The following ADAMTS5 variants were observed in gnomAD, a reference collection of about 807,000 sequenced individuals.
ADAMTS5 encodes the protein ADAM metallopeptidase with thrombospondin type 1 motif 5, also known as A disintegrin and metalloproteinase with thrombospondin motifs 5.
A neutral mutation model predicts 81.4 loss-of-function variants in ADAMTS5; 54 were observed. The observed-to-expected ratio is 0.66, with a 90% CI of 0.53 to 0.83. ADAMTS5 has a LOEUF of 0.83. Ranked by LOEUF, ADAMTS5 falls within the 40% of genes least tolerant of loss-of-function variation. The pLI is 0.00. For missense variants in ADAMTS5, 1,194 were observed against 1,229.9 expected (o/e 0.97, Z 0.44); for synonymous variants, 532 against 508.8 (o/e 1.05, Z -0.61).
intron 2 of ADAMTS5, among the ~76,000 whole-genome samples, chr21:26,951,006 C>T (rs371918293): frequency 6.6e-6 from 1 of 152,248 alleles, no homozygotes; most frequent in East Asian, 1.9e-4. Flanking sequence ...CAGGCATGCA[C>T]CACCATGCCC....
At chr21:26,948,617 G>A (rs866409683) in intron 2 of ADAMTS5, among the ~76,000 whole-genome samples, 4 of 152,130 alleles carry the variant, frequency 2.6e-5, no homozygotes, top group Admixed American at 1.3e-4. Context: ...ATTCAAACAC[G>A]AATCTTTACA....
At position 26,945,630 on chromosome 21, in the gene ADAMTS5, T is replaced by C. The variant is rs192881824; in HGVS notation, c.1238-2083A>G. Among the ~76,000 whole-genome samples the C allele has an allele frequency of 5.3e-5, 8 of 152,322 alleles. No homozygotes were observed. In the East Asian group the frequency reaches 1.5e-3, roughly 29 times the overall value. Reference sequence around the variant, plus strand: ...GAGGGACCTGAGAAAGTACCTTCATTCTCTCTTTCAGAGAGGTGAAGCATG... The same window carrying C: ...GAGGGACCTGAGAAAGTACCTTCATCCTCTCTTTCAGAGAGGTGAAGCATG... On this transcript the variant is annotated intron_variant, in intron 2 of 7. Coordinates refer to ENST00000284987, the MANE Select transcript of ADAMTS5 (RefSeq NM_007038.5).
chr21:26,947,587 C>T (rs1372990628), intron 2 of ADAMTS5, among the ~76,000 whole-genome samples: 4 of 152,056 alleles, frequency 2.6e-5, no homozygotes, highest in Non-Finnish European at 5.9e-5. Flanking sequence ...GCGCACACCA[C>T]CATTCCTGGC....
At chr21:26,958,378 A>G (rs759598439) in intron 1 of ADAMTS5, among the ~76,000 whole-genome samples, 1 of 151,834 alleles carries the variant, frequency 6.6e-6, no homozygotes, top group Admixed American at 6.6e-5. Flanking sequence ...CACACACACA[A>G]ACGCATGCAT....
chr21:26,922,770 T>C lies in ADAMTS5; in HGVS notation c.*1283A>G, dbSNP rs1986724779. ...ACGGGTACAATCAAGTGCTTTCCAG[T>C]TGGGAAAAATATTTAGTACAATAGG... On this transcript the variant is annotated 3_prime_UTR_variant, in exon 8 of 8. Transcript: ENST00000284987. The C allele has an allele frequency of 1.3e-5, 2 of 152,546 alleles. No homozygotes were observed. Among genetic ancestry groups the C allele is most frequent in the Admixed American group, 1.3e-4 (2 of 15,272 alleles). The allele number at this position is 152,546 out of a possible 1,614,324, so 9.4% of individuals were successfully genotyped here.
At chr21:26,942,966 C>T (rs975785071) in intron 3 of ADAMTS5, among the ~76,000 whole-genome samples, 1 of 152,158 alleles carries the variant, frequency 6.6e-6, no homozygotes, top group Non-Finnish European at 1.5e-5. Context: ...GTAGAATTGT[C>T]ACCTACACCT....
At position 26,934,534 on chromosome 21, in the gene ADAMTS5, G is replaced by C. The variant is rs770735293; in HGVS notation, c.1621C>G (p.Pro541Ala). 8.7e-6 allele frequency: 14 copies of C among 1,614,098 alleles called. No homozygotes were observed. Among genetic ancestry groups the C allele is most frequent in the South Asian group, 7.7e-5 (7 of 91,076 alleles). ...TKKLPAVEGT[P>A]CGKGRICLQG... Reference sequence around the variant, plus strand: ...AGGCAGATTCTCCCCTTTCCACAAGGCGTCCCTTCCACCGCAGGCAGCTTC... The same window carrying C: ...AGGCAGATTCTCCCCTTTCCACAAGCCGTCCCTTCCACCGCAGGCAGCTTC... The change falls in exon 4 of 8, where the codon CCT becomes GCT. Residue 541 changes from proline (P) to alanine (A), a missense_variant. By Grantham distance (27) the Pro-to-Ala change is conservative. This residue lies in a region of ADAMTS5 where 696 missense variants were observed against 817.6 expected (regional missense o/e 0.85). Transcript: ENST00000284987.
intron 6 of ADAMTS5, among the ~76,000 whole-genome samples, chr21:26,930,491 A>C (rs1849100947): frequency 6.6e-6 from 1 of 152,184 alleles, no homozygotes; most frequent in Non-Finnish European, 1.5e-5. Flanking sequence ...AAATTTGAAA[A>C]TCTAAACTTG....
At chr21:26,955,193 C>T (rs1340400560) in intron 1 of ADAMTS5, among the ~76,000 whole-genome samples, 3 of 152,192 alleles carry the variant, frequency 2.0e-5, no homozygotes, top group Non-Finnish European at 4.4e-5. Flanking sequence ...TATGGTCATG[C>T]TTAGGAAAGT....
intron 3 of ADAMTS5, among the ~76,000 whole-genome samples, chr21:26,942,927 T>C (rs1009417417): frequency 1.3e-5 from 2 of 152,188 alleles, no homozygotes; most frequent in African/African-American, 2.4e-5. Flanking sequence ...CTTCCTCTTC[T>C]GGGCTTATGT....
At chr21:26,963,628 G>T in intron 1 of ADAMTS5, among the ~76,000 whole-genome samples, 1 of 79,216 alleles carries the variant, frequency 1.3e-5, no homozygotes, top group African/African-American at 4.6e-5. Flanking sequence ...CCCAGACACG[G>T]AAAGTTGCTT....
At chr21:26,929,801 T>G in intron 7 of ADAMTS5, 85 bp downstream of exon 7, 2 of 1,371,340 alleles carry the variant, frequency 1.5e-6, no homozygotes, top group Non-Finnish European at 2.0e-6. Flanking sequence ...TAGCTTATGA[T>G]GTAATATGAA....
rs1277339016 is a variant in ADAMTS5 at position 26,966,251 on chromosome 21, C to G, written c.141G>C (p.Gln47His). The change falls in exon 1 of 8, where the codon CAG becomes CAC. Residue 47 changes from glutamine to histidine, a missense_variant. Gln to His is a conservative substitution (Grantham distance 24). Transcript: ENST00000284987. ...AAAAAQPRRRQGEEVQERAEP... is the reference protein window; with the variant it reads ...AAAAAQPRRRHGEEVQERAEP... ...CGGCTCGCTCCTGCACCTCCTCCCC[C>G]TGCCGCCGGCGGGGCTGGGCGGCTG... is the stretch of plus-strand genomic sequence containing the variant. 4.4e-6 allele frequency: 7 copies of G among 1,596,112 alleles called. No individual in the cohort carries two copies. In the East Asian group the frequency reaches 1.1e-4, roughly 26 times the overall value.
intron 3 of ADAMTS5, among the ~76,000 whole-genome samples, chr21:26,937,352 G>A (rs913624601): frequency 2.0e-5 from 3 of 152,098 alleles, no homozygotes; most frequent in African/African-American, 7.2e-5. Flanking sequence ...TTCCCTTAGA[G>A]GTCATACATG....
rs539508481 is a variant in ADAMTS5, at chr21:26,921,277, C to G, written c.*2776G>C. On this transcript the variant is annotated 3_prime_UTR_variant, in exon 8 of 8. Coordinates refer to ENST00000284987, the MANE Select transcript of ADAMTS5 (RefSeq NM_007038.5). ...TTTATTGAATAAATTATAACAATGCCCACATATTTCTAAACAGCAAGGCAG... is the reference window on the plus strand; with the variant it reads ...TTTATTGAATAAATTATAACAATGCGCACATATTTCTAAACAGCAAGGCAG... 3.1e-4 allele frequency: 47 copies of G among 152,192 alleles called. No homozygotes were observed. Among genetic ancestry groups the G allele is most frequent in the African/African-American group, 1.1e-3 (46 of 41,428 alleles). 9.4% of individuals were successfully genotyped at this position (152,192 alleles called of 1,614,324 possible).
chr21:26,929,887 T>C lies in ADAMTS5; in HGVS notation c.2224A>G (p.Ser742Gly). 6.2e-7 allele frequency: 1 copy of C among 1,613,444 alleles called. No homozygotes were observed. The highest frequency in any genetic ancestry group is 8.5e-7 in the Non-Finnish European group (1 of 1,179,490). Residue 742 changes from serine to glycine, a missense_variant and splice_region_variant, in exon 7 of 8, where the codon AGT (serine) becomes GGT (glycine). Physicochemically the swap from Ser to Gly is moderately conservative, Grantham distance 56. Coordinates refer to ENST00000284987, the MANE Select transcript of ADAMTS5 (RefSeq NM_007038.5). The part of the protein sequence containing the change: ...TKIVGTFNKK[S>G]KGYTDVVRIP... ...AAGACAAAGGTTCTATCATATTACCTTTTCTTATTAAAGGTTCCAACAATC... is the reference window on the plus strand; with the variant it reads ...AAGACAAAGGTTCTATCATATTACCCTTTCTTATTAAAGGTTCCAACAATC...
rs780087867 is a variant in ADAMTS5, at chr21:26,966,203, G to A, written c.189C>T (p.Pro63=). The change falls in exon 1 of 8, where the codon CCC becomes CCT. Residue 63 remains proline, a synonymous_variant. Transcript: ENST00000284987. The part of the protein sequence containing the change: ...ERAEPPGHPH[P]LAQRRRSKGL... Reference sequence around the variant, plus strand: ...CCTTGCTCCTGCGCCGCTGCGCCAGGGGGTGCGGGTGGCCGGGAGGCTCGG... The same window carrying A: ...CCTTGCTCCTGCGCCGCTGCGCCAGAGGGTGCGGGTGGCCGGGAGGCTCGG... 1.3e-6 allele frequency: 2 copies of A among 1,597,430 alleles called. No homozygotes were observed. Among genetic ancestry groups the A allele is most frequent in the East Asian group, 2.2e-5 (1 of 44,658 alleles).
Position 26,923,899 on chromosome 21 carries a change from G to T in ADAMTS5, c.*154C>A. ...CGTGAAGCAGTGCACATCCTCTTTT[G>T]GTCACAGAGAGCAGATTCTGCCCAT... On this transcript the variant is annotated 3_prime_UTR_variant, in exon 8 of 8. Transcript: ENST00000284987. 4.0e-6 allele frequency: 3 copies of T among 740,906 alleles called. No homozygotes were observed. The highest frequency in any genetic ancestry group is 1.8e-5 in the African/African-American group (1 of 56,734). 45.9% of individuals were successfully genotyped at this position (740,906 alleles called of 1,614,324 possible). A position where few individuals can be genotyped will look rare whatever the true frequency, so the allele number is the denominator to read the frequency against.
chr21:26,929,731 T>C (rs920391535), intron 7 of ADAMTS5, among the ~76,000 whole-genome samples, 155 bp downstream of exon 7: 8 of 152,182 alleles, frequency 5.3e-5, no homozygotes, highest in Admixed American at 5.2e-4. Context: ...TCATCTCCTG[T>C]CTCTTCCTTC....
Sources: gnomAD v4.1 joint callset for allele counts (sites outside exome capture counted in the v4.1 genomes callset) on GRCh38, gnomAD v4.1.1 for gene constraint, gnomAD v4.1.1 regional missense constraint, MANE v1.5 for transcripts, NCBI Gene and HGNC (gene_info 2026-07-23, HGNC 2026-07-21) for gene names.